The following ARHGEF1 variants were observed in gnomAD, a reference collection of about 807,000 sequenced individuals.
ARHGEF1 encodes 115 kDa guanine nucleotide exchange factor.
A neutral mutation model predicts 119.7 loss-of-function variants in ARHGEF1; 40 were observed. The ratio of observed to expected loss-of-function variants is 0.33; its 90% CI spans 0.26 to 0.44. ARHGEF1 has a LOEUF of 0.44. Among genes scored for constraint, ARHGEF1 ranks in the 20% least tolerant of loss-of-function variants. The probability of loss-of-function intolerance (pLI) is 1.00; values close to 1 mark genes in which losing one functional copy is unlikely to be tolerated. For synonymous variants in ARHGEF1, 494 were observed against 521.0 expected (o/e 0.95, Z 0.71); for missense variants, 976 against 1,268.3 (o/e 0.77, Z 3.50).
downstream of ARHGEF1, chr19:41,908,428 G>A (rs558403060): frequency 5.0e-5 from 61 of 1,231,198 alleles, no homozygotes; most frequent in Middle Eastern, 6.2e-4. The surrounding 1 kb of genome is among the most constrained non-coding windows in gnomAD (Gnocchi z 6.7). Context: ...CCCGAGGGGC[G>A]CTCGGGGCCC....
exon 3 of ARHGEF1, chr19:41,929,999 C>A (rs2074895330): frequency 6.6e-6 from 1 of 152,258 alleles, no homozygotes; most frequent in South Asian, 2.1e-4. Context: ...ATAATGACCT[C>A]CCTCCTAGAG....
intron 1 of ARHGEF1, among the ~76,000 whole-genome samples, chr19:41,924,361 C>T (rs2074859448): frequency 6.6e-6 from 1 of 152,086 alleles, no homozygotes; most frequent in South Asian, 2.1e-4. Context: ...ACTCTCTGGA[C>T]TCAGTTTCCT....
chr19:41,913,973 A>G lies in ARHGEF1; in HGVS notation c.1865+7170A>G, dbSNP rs1224181966. Among the ~76,000 whole-genome samples, 7 of 129,964 alleles carry G rather than the reference A, an allele frequency of 5.4e-5. 1 individual carries two copies. The highest frequency in any genetic ancestry group is 2.1e-4 in the African/African-American group (7 of 33,698). The allele number at this position is 129,964 out of a possible 152,430, so 85.3% of individuals were successfully genotyped here. ...ACCCCCCAGACGCTCTCAAAAACCC[A>G]CTCCTCTTAGACACCCTGATACTCC... is the stretch of plus-strand genomic sequence containing the variant. On this transcript the variant is annotated intron_variant, in intron 18 of 20. Coordinates refer to the ARHGEF1 transcript ENST00000599589.
Position 41,898,426 on chromosome 19 carries a change from A to C in ARHGEF1, c.1122-16A>C, listed in dbSNP as rs2123474937. 6.5e-7 allele frequency: 1 copy of C among 1,548,342 alleles called. No individual in the cohort carries two copies. The highest frequency in any genetic ancestry group is 1.7e-4 in the Middle Eastern group (1 of 5,982). On this transcript the variant is annotated splice_polypyrimidine_tract_variant and intron_variant, in intron 13 of 28. Coordinates refer to ENST00000354532, the MANE Select transcript of ARHGEF1 (RefSeq NM_004706.4). ...GATGGCCCAAGCTGGGGCCCTAACAAGGCCTCTGTCCACAGCCCCGAGCCT... is the reference window on the plus strand; with the variant it reads ...GATGGCCCAAGCTGGGGCCCTAACACGGCCTCTGTCCACAGCCCCGAGCCT...
rs1418081759 is a variant in ARHGEF1 at position 41,883,829 on chromosome 19, T to C, written c.-20+540T>C. ...AAGCTCTTTTCTAGGTCATTAATTA[T>C]ACCGTGAGAGACAGGTGTAGGGAGA... On this transcript the variant is annotated intron_variant, in intron 1 of 28. Transcript: ENST00000354532. The surrounding 1 kb of genome is among the most constrained non-coding windows in gnomAD (Gnocchi z 7.6). 6.6e-6 allele frequency among the ~76,000 whole-genome samples: 1 copy of C among 152,228 alleles called. No homozygotes were observed. Among genetic ancestry groups the C allele is most frequent in the African/African-American group, 2.4e-5 (1 of 41,462 alleles).
chr19:41,918,549 C>G (rs1050997619), upstream of ARHGEF1, among the ~76,000 whole-genome samples: 8 of 147,574 alleles, frequency 5.4e-5, no homozygotes, highest in African/African-American at 1.8e-4. Context: ...ACCATACACA[C>G]ACACATCACT....
rs1265134122 is a variant in ARHGEF1, at chr19:41,884,000, T to C, written c.-20+711T>C. Among the ~76,000 whole-genome samples, 1 of 151,838 alleles carries C rather than the reference T, an allele frequency of 6.6e-6. No individual in the cohort carries two copies. The highest frequency in any genetic ancestry group is 1.5e-5 in the Non-Finnish European group (1 of 67,958). On this transcript the variant is annotated intron_variant, in intron 1 of 28. Transcript: ENST00000354532. This position sits in a 1 kb window ranked among gnomAD's most constrained non-coding sequence, Gnocchi z 7.6. ...CTTTTCCGGTTCCAAAGGAAGGGGCTGGGGGTGGGAGACGGAGGGGATTGA... is the reference window on the plus strand; with the variant it reads ...CTTTTCCGGTTCCAAAGGAAGGGGCCGGGGGTGGGAGACGGAGGGGATTGA...
At chr19:41,923,689 C>T (rs1555852904) in intron 1 of ARHGEF1, among the ~76,000 whole-genome samples, 7 of 34,754 alleles carry the variant, frequency 2.0e-4, no homozygotes, top group Non-Finnish European at 2.0e-4. Context: ...TCTGGGGAGG[C>T]AGGGGTGTGC....
At chr19:41,898,050 G>T in intron 13 of ARHGEF1, 1 of 1,338,984 alleles carries the variant, frequency 7.5e-7, no homozygotes, top group Non-Finnish European at 9.5e-7. Flanking sequence ...GGCCGCTCCC[G>T]GAGCGACGTG....
upstream of ARHGEF1, among the ~76,000 whole-genome samples, chr19:41,919,153 A>T (rs61422512): frequency 0.24 from 36,276 of 151,822 alleles, 8,820 homozygotes; most frequent in African/African-American, 0.63. Context: ...ACACTCACAC[A>T]CCACTCGCAG....
At chr19:41,894,089 G>T in intron 8 of ARHGEF1, 118 bp from the exon 9 acceptor site, 1 of 645,982 alleles carries the variant, frequency 1.5e-6, no homozygotes. Flanking sequence ...AGGATGGGAA[G>T]GCCGGGCCTC....
At chr19:41,896,335 C>A in intron 12 of ARHGEF1, 42 bp from the exon 13 acceptor site, 2 of 1,158,160 alleles carry the variant, frequency 1.7e-6, no homozygotes, top group Non-Finnish European at 2.3e-6. Context: ...GTCTCGTGGC[C>A]GCAGAGGCCT....
At position 41,906,602 on chromosome 19, in the gene ARHGEF1, G is replaced by A; in HGVS notation, c.2637G>A (p.Glu879=). The change falls in exon 27 of 29, where the codon GAG becomes GAA. Residue 879 remains glutamate (E), a synonymous_variant. Coordinates refer to ENST00000354532, the MANE Select transcript of ARHGEF1 (RefSeq NM_004706.4). This position sits in a 1 kb window ranked among gnomAD's most constrained non-coding sequence, Gnocchi z 4.5. ...EIQENLLSLE[E]TMKQLEELEE... Reference sequence around the variant, plus strand: ...AGGAGAACCTGCTCAGCTTGGAGGAGACCATGAAGCAGCTGGAGGTGGGGC... The same window carrying A: ...AGGAGAACCTGCTCAGCTTGGAGGAAACCATGAAGCAGCTGGAGGTGGGGC... 6.2e-7 allele frequency: 1 copy of A among 1,606,386 alleles called. No individual in the cohort carries two copies. The highest frequency in any genetic ancestry group is 2.2e-5 in the East Asian group (1 of 44,524).
Position 41,894,139 on chromosome 19 carries a change from T to TGTGTGTGTGTGTGTGA in ARHGEF1, c.645-53_645-52insAGTGTGTGTGTGTGTG, listed in dbSNP as rs1555846944. 13 of 793,698 alleles carry TGTGTGTGTGTGTGTGA rather than the reference T, an allele frequency of 1.6e-5. No individual in the cohort carries two copies. The African/African-American group carries it at 2.2e-4, about 14-fold the overall frequency. 49.2% of individuals were successfully genotyped at this position (793,698 alleles called of 1,614,324 possible). On this transcript the variant is annotated intron_variant, in intron 8 of 28. Coordinates refer to ENST00000354532, the MANE Select transcript of ARHGEF1 (RefSeq NM_004706.4). ...GAGAGAGAGAGTGTGTGTGTGAGTGTGTGTGTGTGTGTGTGTGTGTGTGTG... is the reference window on the plus strand; with the variant it reads ...GAGAGAGAGAGTGTGTGTGTGAGTGTGTGTGTGTGTGTGTGAGTGTGTGTGTGTGTGTGTGTGTGTG...
rs1394667951 is a variant in ARHGEF1 at position 41,904,478 on chromosome 19, G to A, written c.2161+95G>A. The A allele has an allele frequency of 7.2e-7, 1 of 1,382,360 alleles. No individual in the cohort carries two copies. Among genetic ancestry groups the A allele is most frequent in the African/African-American group, 1.5e-5 (1 of 68,924 alleles). 85.6% of individuals were successfully genotyped at this position (1,382,360 alleles called of 1,614,324 possible). On this transcript the variant is annotated intron_variant, in intron 22 of 28. Transcript: ENST00000354532. The surrounding 1 kb of genome is among the most constrained non-coding windows in gnomAD (Gnocchi z 8.4). ...GAGCAGAACCCTCTAGAGAGCCAGG[G>A]AGCCAGCATTCTAGCAAAGAGGTTG... is the stretch of plus-strand genomic sequence containing the variant.
downstream of ARHGEF1, chr19:41,909,341 G>A: frequency 1.6e-6 from 2 of 1,236,052 alleles, no homozygotes; most frequent in South Asian, 4.1e-5. This position sits in a 1 kb window ranked among gnomAD's most constrained non-coding sequence, Gnocchi z 5.2. Flanking sequence ...GTCAGCAAGA[G>A]TGGGGAGCCA....
In ARHGEF1 at chr19:41,902,839, C is replaced by T. The variant is rs375320551; in HGVS notation, c.1679C>T (p.Thr560Met). Residue 560 changes from threonine to methionine, a missense_variant, in exon 18 of 29, where the codon ACG (threonine) becomes ATG (methionine). Physicochemically the swap from Thr to Met is moderately conservative, Grantham distance 81. Transcript: ENST00000354532. This position sits in a 1 kb window ranked among gnomAD's most constrained non-coding sequence, Gnocchi z 6.5. ...RRLQLKDMIP[T>M]EMQRLTKYPL... The stretch of plus-strand genomic sequence containing the variant: ...CTGCAGCTGAAGGACATGATCCCCA[C>T]GGAGATGCAGCGGCTGACCAAGTAC... The T allele has an allele frequency of 1.1e-5, 18 of 1,613,216 alleles. No homozygotes were observed. The highest frequency in any genetic ancestry group is 1.6e-4 in the Middle Eastern group (1 of 6,084).
chr19:41,905,884 G>A lies in ARHGEF1; in HGVS notation c.2405-55G>A, dbSNP rs1808999309. Reference sequence around the variant, plus strand: ...AGGTTGGGGCTGCCGGGTGAAGAGAGGCATCCACAGGAGGCCCGGCAGGAT... The same window carrying A: ...AGGTTGGGGCTGCCGGGTGAAGAGAAGCATCCACAGGAGGCCCGGCAGGAT... On this transcript the variant is annotated intron_variant, in intron 25 of 28. Transcript: ENST00000354532. The surrounding 1 kb of genome is among the most constrained non-coding windows in gnomAD (Gnocchi z 6.4). The A allele has an allele frequency of 6.2e-7, 1 of 1,613,594 alleles. No individual in the cohort carries two copies. The highest frequency in any genetic ancestry group is 8.5e-7 in the Non-Finnish European group (1 of 1,179,516).
intron 1 of ARHGEF1, among the ~76,000 whole-genome samples, chr19:41,926,057 G>C (rs1555853243): frequency 6.6e-6 from 1 of 152,068 alleles, no homozygotes; most frequent in African/African-American, 2.4e-5. Flanking sequence ...AATGTGTGAG[G>C]AACAGGTGAG....
Sources: gnomAD v4.1 joint callset for allele counts (sites outside exome capture counted in the v4.1 genomes callset) on GRCh38, gnomAD v4.1.1 for gene constraint, Gnocchi (gnomAD v3.1) non-coding constraint, MANE v1.5 for transcripts, NCBI Gene and HGNC (gene_info 2026-07-23, HGNC 2026-07-21) for gene names.